Variants in RANBP17 observed in about 807,000 individuals in gnomAD.
RANBP17 encodes RAN binding protein 17.
RANBP17 carries 158 observed loss-of-function variants against 141.2 expected under a neutral mutation model. The ratio of observed to expected loss-of-function variants is 1.12; its 90% confidence interval spans 0.98 to 1.28. The LOEUF is 1.28. Ranked by LOEUF, RANBP17 falls within the 50% of genes most tolerant of loss-of-function variation. RANBP17 has a pLI of 0.00. For synonymous variants in RANBP17, 430 were observed against 450.0 expected, an observed-to-expected ratio of 0.96 and a Z score of 0.56; for missense variants, 1,438 against 1,290.7, an observed-to-expected ratio of 1.11 and a Z score of -1.75.
intron 14 of RANBP17, among the ~76,000 whole-genome samples, chr5:171,149,901 C>T (rs898120797): frequency 4.6e-5 from 7 of 152,150 alleles, no homozygotes; most frequent in Admixed American, 3.9e-4. Flanking sequence ...TCTTGGTTTG[C>T]AGGTTGTTAG....
In RANBP17 at chr5:171,266,135, A is replaced by C. The variant is rs376079375; in HGVS notation, c.2943+288A>C. Among the ~76,000 whole-genome samples the C allele has an allele frequency of 1.3e-3, 198 of 152,136 alleles. 9 individuals carry two copies. The South Asian group carries it at 0.04, about 31-fold the overall frequency. ...CTGAGAAAAATTAGACAAAACCGGA[A>C]CTGGAAACAGTCAGCCTCTGATTTC... On this transcript the variant is annotated intron_variant, in intron 25 of 27. Coordinates refer to ENST00000523189, the MANE Select transcript of RANBP17 (RefSeq NM_022897.5).
intron 14 of RANBP17, among the ~76,000 whole-genome samples, chr5:171,096,321 A>G (rs1037694401): frequency 1.3e-5 from 2 of 152,206 alleles, no homozygotes; most frequent in African/African-American, 4.8e-5. Flanking sequence ...CTGTGTTGCC[A>G]TATCATACTT....
Position 171,279,468 on chromosome 5 carries a change from C to T in RANBP17, c.2943+13621C>T, listed in dbSNP as rs546084533. 2.6e-5 allele frequency among the ~76,000 whole-genome samples: 4 copies of T among 152,268 alleles called. No homozygotes were observed. The South Asian group carries it at 8.3e-4, about 32-fold the overall frequency. ...CAAGAAAGAGCACCAGGAGGCCAAACTCAACCTTTTTATAAAGAACCAATC... is the reference window on the plus strand; with the variant it reads ...CAAGAAAGAGCACCAGGAGGCCAAATTCAACCTTTTTATAAAGAACCAATC... On this transcript the variant is annotated intron_variant, in intron 25 of 27. Transcript: ENST00000523189.
chr5:171,093,519 AG>A (rs1171427862), intron 14 of RANBP17, among the ~76,000 whole-genome samples: 5 of 152,222 alleles, frequency 3.3e-5, no homozygotes. Flanking sequence ...CTTATGTAAG[AG>A]GGAAGCTTCT....
chr5:170,901,030 T>A (rs1770590982), intron 5 of RANBP17, among the ~76,000 whole-genome samples: 1 of 152,206 alleles, frequency 6.6e-6, no homozygotes, highest in Non-Finnish European at 1.5e-5. Flanking sequence ...TAGGTCTGCA[T>A]GTTCCAGAGC....
Position 171,221,804 on chromosome 5 carries a change from C to G in RANBP17, c.2386C>G (p.Leu796Val). The change falls in exon 22 of 28, where the codon CTC (leucine) becomes GTC (valine). Residue 796 changes from leucine to valine, a missense_variant. Transcript: ENST00000523189. Reference protein sequence around the residue: ...FDVSSPNGILLFREASKMVCT... With the variant: ...FDVSSPNGILVFREASKMVCT... ...TGTATCATCTCCTAATGGAATTCTT[C>G]TCTTCAGAGAAGCTAGTAAAATGGT... is the stretch of plus-strand genomic sequence containing the variant. 6.2e-7 allele frequency: 1 copy of G among 1,610,276 alleles called. No homozygotes were observed. The highest frequency in any genetic ancestry group is 8.5e-7 in the Non-Finnish European group (1 of 1,176,938).
chr5:170,886,925 A>G (rs1250696164), intron 3 of RANBP17, among the ~76,000 whole-genome samples: 1 of 151,970 alleles, frequency 6.6e-6, no homozygotes, highest in Non-Finnish European at 1.5e-5. Context: ...AGCCTCCCAA[A>G]GTGCTGGGAT....
chr5:171,212,269 A>C (rs1762942575), intron 20 of RANBP17, among the ~76,000 whole-genome samples: 1 of 152,216 alleles, frequency 6.6e-6, no homozygotes, highest in Admixed American at 6.5e-5. Context: ...TAACACAAGC[A>C]ACCAACCCTA....
intron 2 of RANBP17, among the ~76,000 whole-genome samples, chr5:170,880,350 T>C (rs1404145003): frequency 6.6e-6 from 1 of 152,230 alleles, no homozygotes; most frequent in Non-Finnish European, 1.5e-5. Context: ...TTTGATGTTG[T>C]TCCAGTGTCT....
chr5:171,210,314 A>C (rs1762801659), intron 20 of RANBP17, among the ~76,000 whole-genome samples: 1 of 150,408 alleles, frequency 6.6e-6, no homozygotes, highest in African/African-American at 2.4e-5. Context: ...ATAATCCCTC[A>C]TTTTCTCTGT....
intron 14 of RANBP17, among the ~76,000 whole-genome samples, chr5:171,083,933 T>C (rs1271666076): frequency 6.6e-6 from 1 of 151,224 alleles, no homozygotes; most frequent in East Asian, 2.0e-4. Context: ...CCTCATTCTT[T>C]TGTAAATTGC....
intron 14 of RANBP17, among the ~76,000 whole-genome samples, chr5:170,972,141 T>C (rs1229916709): frequency 6.6e-6 from 1 of 151,898 alleles, no homozygotes; most frequent in Non-Finnish European, 1.5e-5. Context: ...CTGTTAACTT[T>C]ATATAAAAGT....
chr5:171,052,886 G>A (rs1342330500), intron 14 of RANBP17, among the ~76,000 whole-genome samples: 1 of 150,546 alleles, frequency 6.6e-6, no homozygotes, highest in Admixed American at 6.7e-5. Flanking sequence ...GAGTTTCACT[G>A]TTGTTGCCCA....
chr5:171,045,505 A>G (rs1021270746), intron 14 of RANBP17, among the ~76,000 whole-genome samples: 2 of 152,168 alleles, frequency 1.3e-5, no homozygotes, highest in Non-Finnish European at 2.9e-5. Flanking sequence ...TATAGTAATA[A>G]TGTATTGTGG....
chr5:171,280,576 A>C (rs552499175), intron 25 of RANBP17, among the ~76,000 whole-genome samples: 4 of 152,304 alleles, frequency 2.6e-5, no homozygotes, highest in Admixed American at 2.0e-4. Context: ...ACCTGGCCTT[A>C]ACTCATGGAA....
At chr5:171,281,803 T>C (rs944278488) in intron 25 of RANBP17, among the ~76,000 whole-genome samples, 29 of 152,220 alleles carry the variant, frequency 1.9e-4, no homozygotes, top group African/African-American at 6.8e-4. Flanking sequence ...AGAAACCTTG[T>C]AGATAACGAG....
intron 24 of RANBP17, among the ~76,000 whole-genome samples, chr5:171,254,436 T>C (rs1452410307): frequency 3.3e-5 from 5 of 152,166 alleles, no homozygotes; most frequent in Admixed American, 1.3e-4. Flanking sequence ...GAAGTAATAA[T>C]GTTCATCATA....
chr5:170,946,929 G>A (rs1307909394), intron 12 of RANBP17, among the ~76,000 whole-genome samples: 1 of 152,176 alleles, frequency 6.6e-6, no homozygotes, highest in Non-Finnish European at 1.5e-5. Flanking sequence ...CAAGAAGGTA[G>A]AGTTTCACTT....
At chr5:171,235,655 G>C (rs1764497248) in intron 22 of RANBP17, among the ~76,000 whole-genome samples, 1 of 152,132 alleles carries the variant, frequency 6.6e-6, no homozygotes. Flanking sequence ...AGGCTGGAGT[G>C]CAGTGGTGTG....
Sources: gnomAD v4.1 joint callset for allele counts (sites outside exome capture counted in the v4.1 genomes callset) on GRCh38, gnomAD v4.1.1 for gene constraint, MANE v1.5 for transcripts, NCBI Gene and HGNC (gene_info 2026-07-23, HGNC 2026-07-21) for gene names.